FAT2: variants seen among roughly 807,000 people sequenced by gnomAD.
FAT2 encodes the protein protocadherin Fat 2.
In FAT2, 150 loss-of-function variants were observed where a neutral mutation model predicts 295.3. The observed-to-expected ratio is 0.51, with a 90% CI of 0.44 to 0.58. The LOEUF (loss-of-function observed/expected upper bound fraction) is 0.58. Ranked by LOEUF, FAT2 falls within the 20% of genes least tolerant of loss-of-function variation. The probability of loss-of-function intolerance (pLI) is 0.00; values close to 1 mark genes in which losing one functional copy is unlikely to be tolerated. For missense variants in FAT2, 4,868 were observed against 5,442.7 expected, an observed-to-expected ratio of 0.89 and a Z score of 3.32; for synonymous variants, 2,026 against 2,150.3, an observed-to-expected ratio of 0.94 and a Z score of 1.60.
intron 19 of FAT2, among the ~76,000 whole-genome samples, chr5:151,518,800 A>C (rs1311875791): frequency 6.6e-6 from 1 of 152,226 alleles, no homozygotes; most frequent in East Asian, 1.9e-4. Flanking sequence ...TGGGAATAGC[A>C]TTCTGTTGAA....
intron 18 of FAT2, among the ~76,000 whole-genome samples, chr5:151,524,547 A>G (rs1362478836): frequency 1.3e-5 from 2 of 152,198 alleles, no homozygotes; most frequent in Non-Finnish European, 2.9e-5. Context: ...AACTGTGGGA[A>G]ATACATTTCT....
Position 151,587,254 on chromosome 5 carries a change from A to G in FAT2, c.-21+3911T>C, listed in dbSNP as rs923402848. 3.3e-5 allele frequency among the ~76,000 whole-genome samples: 5 copies of G among 152,224 alleles called. No homozygotes were observed. The East Asian group carries it at 9.6e-4, about 29-fold the overall frequency. ...ATTCTGTTTACTTCTGTGTATGTCT[A>G]TAATTTTCCTTCAATAGTACATTAT... On this transcript the variant is annotated intron_variant, in intron 1 of 23. Transcript: ENST00000261800.
intron 2 of FAT2, 136 bp from the exon 3 acceptor site, chr5:151,563,775 T>A: frequency 1.5e-6 from 1 of 660,564 alleles, no homozygotes; most frequent in Non-Finnish European, 2.6e-6. Flanking sequence ...AAGAAGGAAC[T>A]GCTTCTACCA....
intron 19 of FAT2, among the ~76,000 whole-genome samples, chr5:151,520,027 G>C (rs1753280198): frequency 6.6e-6 from 1 of 152,196 alleles, no homozygotes; most frequent in Non-Finnish European, 1.5e-5. Context: ...AGCCTTCTTG[G>C]CTTTCCCTGA....
intron 1 of FAT2, among the ~76,000 whole-genome samples, chr5:151,572,281 T>C (rs1300812709): frequency 6.6e-6 from 1 of 152,086 alleles, no homozygotes; most frequent in African/African-American, 2.4e-5. Context: ...CAATCAATAC[T>C]AGTTGAGAAA....
intron 11 of FAT2, among the ~76,000 whole-genome samples, chr5:151,539,899 T>C (rs1402334584): frequency 6.6e-6 from 1 of 152,148 alleles, no homozygotes; most frequent in African/African-American, 2.4e-5. Flanking sequence ...AATTGCCCTG[T>C]CTCGTGTTTG....
At chr5:151,553,830 T>C (rs1382345377) in intron 5 of FAT2, among the ~76,000 whole-genome samples, 1 of 152,228 alleles carries the variant, frequency 6.6e-6, no homozygotes, top group African/African-American at 2.4e-5. Context: ...GAAGAGGTCC[T>C]GTTATCATCT....
chr5:151,553,418 T>C (rs773889735), intron 5 of FAT2, 31 bp from the exon 6 acceptor site: 3 of 1,605,802 alleles, frequency 1.9e-6, no homozygotes, highest in Admixed American at 1.7e-5. Context: ...AAACTGAGGT[T>C]TGGGGCCAAG....
intron 7 of FAT2, 93 bp from the exon 8 acceptor site, chr5:151,550,964 C>T: frequency 8.9e-7 from 1 of 1,123,326 alleles, no homozygotes; most frequent in East Asian, 2.4e-5. Context: ...CCAGGCCTAG[C>T]ACAGTGCCTG....
chr5:151,526,311 C>T (rs1243739689), intron 17 of FAT2, among the ~76,000 whole-genome samples: 3 of 152,168 alleles, frequency 2.0e-5, no homozygotes, highest in Non-Finnish European at 4.4e-5. Flanking sequence ...TAGTTATTAC[C>T]TGGATTACAT....
chr5:151,540,716 A>G lies in FAT2; in HGVS notation c.8890T>C (p.Trp2964Arg), dbSNP rs772277197. Residue 2964 changes from tryptophan to arginine, a missense_variant, in exon 11 of 24, where the codon TGG becomes CGG. By Grantham distance (101) the Trp-to-Arg change is moderately radical. Coordinates refer to ENST00000261800, the MANE Select transcript of FAT2 (RefSeq NM_001447.3). ...AGGGTCTTCCTTGAGGAAATCCTCC[A>G]CTCATCTCCAACTTGGCTGATGCCA... Reference protein sequence around the residue: ...QFGISQVGDEWRISSRKTLDR... With the variant: ...QFGISQVGDERRISSRKTLDR... 2 of 1,614,074 alleles carry G rather than the reference A, an allele frequency of 1.2e-6. No homozygotes were observed. The highest frequency in any genetic ancestry group is 8.5e-7 in the Non-Finnish European group (1 of 1,180,004).
At chr5:151,552,502 TAACCTGGA>T (rs1445338211) in intron 6 of FAT2, among the ~76,000 whole-genome samples, 1 of 152,216 alleles carries the variant, frequency 6.6e-6, no homozygotes, top group Non-Finnish European at 1.5e-5. Flanking sequence ...TAGAGATTTT[TAACCTGGA>T]ATCCCTGGAT....
At position 151,505,727 on chromosome 5, in the gene FAT2, C is replaced by G; in HGVS notation, c.12888G>C (p.Lys4296Asn). The change falls in exon 24 of 24, where the codon AAG becomes AAC. Residue 4296 changes from lysine (K) to asparagine (N), a missense_variant. Physicochemically the swap from Lys to Asn is moderately conservative, Grantham distance 94. Around this residue, in one of 5 missense-constraint regions of FAT2, gnomAD observed 492 missense variants for 482.6 expected, o/e 1.02. Transcript: ENST00000261800. ...CTCGGCTGAGGCGCATACCCACCCC[C>G]TTGTAGCCCCCGTCTGCCAGGCAGG... ...GGPCLADGGY[K>N]GVGMRLSRAG... 6.2e-7 allele frequency: 1 copy of G among 1,613,954 alleles called. No individual in the cohort carries two copies. The highest frequency in any genetic ancestry group is 8.5e-7 in the Non-Finnish European group (1 of 1,179,850).
rs1196182264 is a variant in FAT2 at position 151,531,330 on chromosome 5, C to T, written c.9811+257G>A. Among the ~76,000 whole-genome samples, 1 of 152,150 alleles carries T rather than the reference C, an allele frequency of 6.6e-6. No homozygotes were observed. The highest frequency in any genetic ancestry group is 2.4e-5 in the African/African-American group (1 of 41,454). On this transcript the variant is annotated intron_variant, in intron 14 of 23. Coordinates refer to ENST00000261800, the MANE Select transcript of FAT2 (RefSeq NM_001447.3). The surrounding 1 kb of genome is among the most constrained non-coding windows in gnomAD (Gnocchi z 5.7). ...CTAACTGTGTGGGAGGAGAGTGGATCACTGAGGGTCCTGGACACAGAGACC... is the reference window on the plus strand; with the variant it reads ...CTAACTGTGTGGGAGGAGAGTGGATTACTGAGGGTCCTGGACACAGAGACC...
intron 3 of FAT2, among the ~76,000 whole-genome samples, chr5:151,560,577 T>C (rs1168812313): frequency 6.6e-6 from 1 of 152,184 alleles, no homozygotes; most frequent in African/African-American, 2.4e-5. Context: ...CCCTTGCAGA[T>C]CCACCACCCA....
chr5:151,506,137 C>A (rs777168458), intron 23 of FAT2, 40 bp from the exon 24 acceptor site: 1 of 1,490,912 alleles, frequency 6.7e-7, no homozygotes, highest in Non-Finnish European at 8.8e-7. Flanking sequence ...TCATTTTCTC[C>A]CCGGAAGGTT....
At chr5:151,580,137 C>T (rs535401307) in intron 1 of FAT2, among the ~76,000 whole-genome samples, 2 of 152,326 alleles carry the variant, frequency 1.3e-5, no homozygotes, top group South Asian at 4.1e-4. Context: ...AACCCTGGCT[C>T]CCCATCCTGG....
chr5:151,544,484 G>A lies in FAT2; in HGVS notation c.6643C>T (p.Leu2215=), dbSNP rs1756434706. The change falls in exon 10 of 24, where the codon CTG becomes TTG. Residue 2215 remains leucine (L), a synonymous_variant. Transcript: ENST00000261800. The stretch of plus-strand genomic sequence containing the variant: ...CCAGTCTTGAAGTCAGTGGTGAACA[G>A]CATCAAGGGTTCTTCCTCCACAATG... ...YNIVEEEPLM[L]FTTDFKTGVL... is the part of the protein sequence containing the mutation. 2 of 1,614,140 alleles carry A rather than the reference G, an allele frequency of 1.2e-6. No homozygotes were observed. Among genetic ancestry groups the A allele is most frequent in the Non-Finnish European group, 1.7e-6 (2 of 1,180,034 alleles).
rs952232303 is a variant in FAT2, at chr5:151,504,715, C to T, written c.*850G>A. 30 of 152,762 alleles carry T rather than the reference C, an allele frequency of 2.0e-4. No individual in the cohort carries two copies. The highest frequency in any genetic ancestry group is 6.0e-4 in the African/African-American group (25 of 41,580). 9.5% of individuals were successfully genotyped at this position (152,762 alleles called of 1,614,324 possible). On this transcript the variant is annotated 3_prime_UTR_variant, in exon 24 of 24. Coordinates refer to ENST00000261800, the MANE Select transcript of FAT2 (RefSeq NM_001447.3). Reference sequence around the variant, plus strand: ...TTTAAAATGAAGAATTAGTTCCTTCCTTCCTTTGGCCAAAAGTGCCTGGGA... The same window carrying T: ...TTTAAAATGAAGAATTAGTTCCTTCTTTCCTTTGGCCAAAAGTGCCTGGGA...
Sources: allele counts gnomAD v4.1 joint callset (sites outside exome capture counted in the v4.1 genomes callset), GRCh38; gene constraint gnomAD v4.1.1; regional missense constraint gnomAD v4.1.1; non-coding constraint Gnocchi (gnomAD v3.1); transcripts MANE v1.5; gene names NCBI Gene and HGNC (gene_info 2026-07-23, HGNC 2026-07-21).